Variants in CMIP observed in about 807,000 individuals in gnomAD.
The protein encoded by CMIP is c-Maf inducing protein.
CMIP carries 13 observed loss-of-function variants against 97.3 expected under a neutral mutation model. The observed-to-expected ratio is 0.13, with a 90% CI of 0.09 to 0.21. The LOEUF (loss-of-function observed/expected upper bound fraction) is 0.21, where lower values mean the gene tolerates loss of function less well. Ranked by LOEUF, CMIP falls within the 10% of genes least tolerant of loss-of-function variation. The probability of loss-of-function intolerance (pLI) is 1.00; values close to 1 mark genes in which losing one functional copy is unlikely to be tolerated. For synonymous variants in CMIP, 538 were observed against 436.3 expected (o/e 1.23, Z -2.91); for missense variants, 847 against 1,024.9 (o/e 0.83, Z 2.37).
intron 2 of CMIP, among the ~76,000 whole-genome samples, chr16:81,609,374 C>T (rs1196741503): frequency 3.9e-5 from 6 of 152,220 alleles, no homozygotes; most frequent in African/African-American, 1.4e-4. Flanking sequence ...GCCAGCCCCC[C>T]TCGGCGGGGG....
chr16:81,644,959 C>T (rs1046940752), intron 3 of CMIP, among the ~76,000 whole-genome samples: 2 of 152,152 alleles, frequency 1.3e-5, no homozygotes, highest in Non-Finnish European at 2.9e-5. Context: ...CTCCTGGGCC[C>T]GTGGGGACGT....
chr16:81,551,837 C>A (rs576810054), intron 1 of CMIP, among the ~76,000 whole-genome samples: 3 of 152,316 alleles, frequency 2.0e-5, no homozygotes, highest in African/African-American at 7.2e-5. Context: ...AGCTCCTGCT[C>A]CCATAGACAG....
At chr16:81,574,585 C>T (rs1272616907) in intron 1 of CMIP, among the ~76,000 whole-genome samples, 2 of 152,220 alleles carry the variant, frequency 1.3e-5, no homozygotes, top group African/African-American at 2.4e-5. Context: ...AAAACAGTGA[C>T]GGAAAGGTTG....
At chr16:81,608,587 C>T (rs1214886526) in intron 2 of CMIP, among the ~76,000 whole-genome samples, 2 of 152,024 alleles carry the variant, frequency 1.3e-5, no homozygotes, top group African/African-American at 2.4e-5. Flanking sequence ...CCCGGATTAC[C>T]CGCCCACCCT....
intron 10 of CMIP, among the ~76,000 whole-genome samples, chr16:81,685,214 C>G (rs372725393): frequency 6.6e-6 from 1 of 152,306 alleles, no homozygotes; most frequent in East Asian, 1.9e-4. Context: ...CCTCTCCCTC[C>G]TTCCCATGCA....
At chr16:81,601,332 G>T (rs748194968) in intron 1 of CMIP, among the ~76,000 whole-genome samples, 2 of 152,204 alleles carry the variant, frequency 1.3e-5, no homozygotes, top group African/African-American at 2.4e-5. Context: ...GTTTGGGCAG[G>T]AGGGAGCTGG....
At chr16:81,607,531 C>G (rs1277689672) in intron 1 of CMIP, 36 bp from the exon 2 acceptor site, 1 of 1,609,106 alleles carries the variant, frequency 6.2e-7, no homozygotes, top group Admixed American at 1.7e-5. Context: ...CTACTGTAAC[C>G]AATGCATATC....
intron 3 of CMIP, among the ~76,000 whole-genome samples, chr16:81,624,746 G>T (rs2092037589): frequency 6.6e-6 from 1 of 152,186 alleles, no homozygotes; most frequent in Non-Finnish European, 1.5e-5. Flanking sequence ...AGACACTAGG[G>T]TTCCTTATGG....
intron 20 of CMIP, 49 bp downstream of exon 20, chr16:81,707,133 G>T: frequency 6.7e-7 from 1 of 1,499,282 alleles, no homozygotes; most frequent in African/African-American, 1.4e-5. Context: ...CTTCTAGCCA[G>T]CATCTGGATG....
Position 81,614,926 on chromosome 16 carries a change from G to C in CMIP, c.427-5950G>C, listed in dbSNP as rs1567611558. Reference sequence around the variant, plus strand: ...TGTCTATATGTGGTGTGCATAGTGTGTATCTCTGTGTGTGGTGTGTGCATG... The same window carrying C: ...TGTCTATATGTGGTGTGCATAGTGTCTATCTCTGTGTGTGGTGTGTGCATG... On this transcript the variant is annotated intron_variant, in intron 2 of 20. Coordinates refer to ENST00000537098, the MANE Select transcript of CMIP (RefSeq NM_198390.3). The surrounding 1 kb of genome is among the most constrained non-coding windows in gnomAD (Gnocchi z 5.3). 6.6e-6 allele frequency among the ~76,000 whole-genome samples: 1 copy of C among 151,010 alleles called. No individual in the cohort carries two copies. The highest frequency in any genetic ancestry group is 1.5e-5 in the Non-Finnish European group (1 of 67,684).
intron 1 of CMIP, among the ~76,000 whole-genome samples, chr16:81,577,532 C>G (rs575033021): frequency 1.4e-5 from 2 of 146,120 alleles, no homozygotes; most frequent in East Asian, 4.1e-4. Flanking sequence ...ACCATCATCC[C>G]CATTACAACT....
At chr16:81,662,238 C>A (rs1004809636) in intron 6 of CMIP, among the ~76,000 whole-genome samples, 1 of 152,208 alleles carries the variant, frequency 6.6e-6, no homozygotes, top group African/African-American at 2.4e-5. Flanking sequence ...CTTAGGATTT[C>A]ACCCAGATCT....
chr16:81,454,364 G>A (rs1309308109), intron 1 of CMIP, among the ~76,000 whole-genome samples: 1 of 152,206 alleles, frequency 6.6e-6, no homozygotes, highest in East Asian at 1.9e-4. Flanking sequence ...GTCTGACCCC[G>A]TGTCTGTGTG....
At chr16:81,563,684 CTTA>C (rs2090928057) in intron 1 of CMIP, among the ~76,000 whole-genome samples, 1 of 152,178 alleles carries the variant, frequency 6.6e-6, no homozygotes, top group Admixed American at 6.5e-5. Flanking sequence ...GGCGTGTTCT[CTTA>C]TTATCATGAG....
At chr16:81,475,928 A>G (rs1428057032) in intron 1 of CMIP, 2 of 406,886 alleles carry the variant, frequency 4.9e-6, no homozygotes, top group African/African-American at 4.2e-5. Flanking sequence ...CAGAGCTTGC[A>G]GTGAGCTGAG....
chr16:81,528,912 T>A (rs1190548571), intron 1 of CMIP, among the ~76,000 whole-genome samples: 1 of 152,078 alleles, frequency 6.6e-6, no homozygotes, highest in Non-Finnish European at 1.5e-5. Flanking sequence ...TCCTTTCTCC[T>A]CTCCTTCAGT....
rs1413774372 is a variant in CMIP, at chr16:81,652,274, G to A, written c.549G>A (p.Arg183=). ...GGGAAGTTGTCTTGAAAGAGATCCG[G>A]ACCCTGGTGGACATGGCCCTGACAT... ...SRWEVVLKEI[R]TLVDMALTSP... The change falls in exon 4 of 21, where the codon CGG becomes CGA. Residue 183 remains arginine (R), a synonymous_variant. Transcript: ENST00000537098. This position sits in a 1 kb window ranked among gnomAD's most constrained non-coding sequence, Gnocchi z 5.2. 9 of 1,613,606 alleles carry A rather than the reference G, an allele frequency of 5.6e-6. No homozygotes were observed. The highest frequency in any genetic ancestry group is 1.7e-6 in the Non-Finnish European group (2 of 1,179,634).
At chr16:81,709,506 C>T (rs1330712423) in intron 20 of CMIP, among the ~76,000 whole-genome samples, 1 of 152,182 alleles carries the variant, frequency 6.6e-6, no homozygotes, top group East Asian at 1.9e-4. Flanking sequence ...GACCAAAGGC[C>T]ATCTGAGGCG....
chr16:81,583,106 C>T lies in CMIP; in HGVS notation c.301-24461C>T, dbSNP rs114637215. Among the ~76,000 whole-genome samples the T allele has an allele frequency of 1.5e-3, 232 of 152,366 alleles. 1 individual carries two copies. Among genetic ancestry groups the T allele is most frequent in the African/African-American group, 5.3e-3 (222 of 41,580 alleles). On this transcript the variant is annotated intron_variant, in intron 1 of 20. Transcript: ENST00000537098. ...GGCCTTGGCACTCAGAGGGTAAGCT[C>T]TGGCTGGCATTGCCTCTGACCTTGG...
Sources: gnomAD v4.1 joint callset for allele counts (sites outside exome capture counted in the v4.1 genomes callset) on GRCh38, gnomAD v4.1.1 for gene constraint, Gnocchi (gnomAD v3.1) non-coding constraint, MANE v1.5 for transcripts, NCBI Gene and HGNC (gene_info 2026-07-23, HGNC 2026-07-21) for gene names.